Variants in PPT1 observed in about 807,000 individuals in gnomAD.
The protein encoded by PPT1 is palmitoyl-protein thioesterase 1, also known as ceroid-palmitoyl-palmitoyl-protein thioesterase 1.
A neutral mutation model predicts 44.0 loss-of-function variants in PPT1; 24 were observed. The ratio of observed to expected loss-of-function variants is 0.54; its 90% CI spans 0.39 to 0.77. The LOEUF is 0.77. Among genes scored for constraint, PPT1 ranks in the 30% least tolerant of loss-of-function variants. PPT1 has a pLI of 0.00. For synonymous variants in PPT1, 148 were observed against 140.2 expected (o/e 1.06, Z -0.39); for missense variants, 341 against 378.8 (o/e 0.90, Z 0.83).
At chr1:40,090,425 T>C (rs952033613) in intron 4 of PPT1, among the ~76,000 whole-genome samples, 5 of 112,670 alleles carry the variant, frequency 4.4e-5, no homozygotes, top group Non-Finnish European at 8.2e-5. Context: ...TATGTGTGTA[T>C]ATAGGTGCAT....
chr1:40,092,060 T>C lies in PPT1; in HGVS notation c.347A>G (p.Gln116Arg), dbSNP rs745638373. 1 of 1,614,098 alleles carries C rather than the reference T, an allele frequency of 6.2e-7. No homozygotes were observed. The highest frequency in any genetic ancestry group is 1.1e-5 in the South Asian group (1 of 91,086). ...QQGYNAMGFS[Q>R]GGQFLRAVAQ... ...AGGAACGTACAGAAATTGGCCTCCCTGGGAGAATCCCATAGCATTGTAGCC... is the reference window on the plus strand; with the variant it reads ...AGGAACGTACAGAAATTGGCCTCCCCGGGAGAATCCCATAGCATTGTAGCC... Residue 116 changes from glutamine (Q) to arginine (R), a missense_variant, in exon 3 of 9, where the codon CAG (glutamine) becomes CGG (arginine). By Grantham distance (43) the Gln-to-Arg change is conservative (BLOSUM62 1). Coordinates refer to ENST00000642050, the MANE Select transcript of PPT1 (RefSeq NM_000310.4).
At chr1:40,097,248 GTCACA>G in exon 1 of PPT1, 2 of 1,613,542 alleles carry the variant, frequency 1.2e-6, no homozygotes, top group Non-Finnish European at 1.7e-6. Flanking sequence ...TCTTCGCTGT[GTCACA>G]TGACCGCGGG....
At chr1:40,083,824 T>C (rs1649112870) in intron 5 of PPT1, among the ~76,000 whole-genome samples, 1 of 151,750 alleles carries the variant, frequency 6.6e-6, no homozygotes, top group Non-Finnish European at 1.5e-5. Flanking sequence ...GGAGGGAAAA[T>C]CAGTGGAGCC....
At position 40,097,134 on chromosome 1, in the gene PPT1, C is replaced by T. The variant is rs1376368972; in HGVS notation, c.105G>A (p.Leu35=). ...ACTCACCCATCCCATGCCAGATCAC[C>T]AACGGCAGCGGCGCCGGCGGGTCCA... ...QHLDPPAPLP[L]VIWHGMGDSC... The change falls in exon 1 of 9, where the codon TTG becomes TTA. Residue 35 remains leucine, a synonymous_variant. Transcript: ENST00000642050. The T allele has an allele frequency of 6.2e-7, 1 of 1,614,022 alleles. No individual in the cohort carries two copies. The highest frequency in any genetic ancestry group is 1.3e-5 in the African/African-American group (1 of 74,944).
At chr1:40,084,179 A>T (rs1649131828) in intron 5 of PPT1, among the ~76,000 whole-genome samples, 1 of 152,230 alleles carries the variant, frequency 6.6e-6, no homozygotes, top group Non-Finnish European at 1.5e-5. Flanking sequence ...CAATGAAGGA[A>T]GTAACTGCAG....
chr1:40,084,282 C>T (rs893219567), intron 5 of PPT1, among the ~76,000 whole-genome samples: 3 of 152,184 alleles, frequency 2.0e-5, no homozygotes, highest in African/African-American at 7.2e-5. Flanking sequence ...GGAATTGCTT[C>T]TTACGGATGA....
chr1:40,077,381 A>G (rs1648684046), intron 7 of PPT1, among the ~76,000 whole-genome samples: 1 of 152,254 alleles, frequency 6.6e-6, no homozygotes, highest in Non-Finnish European at 1.5e-5. Context: ...ATGCAGCCAC[A>G]GACAGTATGT....
At position 40,073,251 on chromosome 1, in the gene PPT1, TGACTCTAGCATCAA is replaced by T. The variant is rs1447331672; in HGVS notation, c.*796_*809del. 2 of 152,244 alleles carry T rather than the reference TGACTCTAGCATCAA, an allele frequency of 1.3e-5. No homozygotes were observed. The highest frequency in any genetic ancestry group is 2.9e-5 in the Non-Finnish European group (2 of 68,068). 9.4% of individuals were successfully genotyped at this position (152,244 alleles called of 1,614,324 possible). A position where few individuals can be genotyped will look rare whatever the true frequency, so the allele number is the denominator to read the frequency against. The stretch of plus-strand genomic sequence containing the variant: ...TGCTAAAGCCAGCAACAGAGTAAGT[TGACTCTAGCATCAA>T]GACCACTAGTCATATTAAGAAAGGG... On this transcript the variant is annotated 3_prime_UTR_variant, in exon 9 of 9. Transcript: ENST00000642050.
Position 40,078,459 on chromosome 1 carries a change from C to A in PPT1, c.726+101G>T, listed in dbSNP as rs1648743682. The A allele has an allele frequency of 5.7e-6, 7 of 1,232,898 alleles. No individual in the cohort carries two copies. In the East Asian group the frequency reaches 1.8e-4, roughly 31 times the overall value. 76.4% of individuals were successfully genotyped at this position (1,232,898 alleles called of 1,614,324 possible). A position where few individuals can be genotyped will look rare whatever the true frequency, so the allele number is the denominator to read the frequency against. The stretch of plus-strand genomic sequence containing the variant: ...TCAGGTGATCCACCCGCCTTGGCCT[C>A]CCAGAGTGCTGGGATTACAGGCATG... On this transcript the variant is annotated intron_variant, in intron 7 of 8. Transcript: ENST00000642050.
intron 5 of PPT1, among the ~76,000 whole-genome samples, chr1:40,085,403 C>T (rs1450537135): frequency 2.0e-5 from 3 of 152,106 alleles, no homozygotes; most frequent in Non-Finnish European, 2.9e-5. Context: ...CAATAAATAT[C>T]AGCGCAGCCT....
At chr1:40,089,293 A>AAAAAAAAAAAAAAAAAAAAAT (rs1225119231) in intron 5 of PPT1, 117 bp downstream of exon 5, 1 of 596,216 alleles carries the variant, frequency 1.7e-6, no homozygotes, top group African/African-American at 1.9e-5. Flanking sequence ...TCTCAAAAAA[A>AAAAAAAAAAAAAAAAAAAAAT]AAGATCTCAT....
Position 40,073,736 on chromosome 1 carries a change from T to A in PPT1, c.*325A>T. The A allele has an allele frequency of 3.0e-6, 1 of 328,768 alleles. No homozygotes were observed. Among genetic ancestry groups the A allele is most frequent in the South Asian group, 3.0e-5 (1 of 32,908 alleles). 20.4% of individuals were successfully genotyped at this position (328,768 alleles called of 1,614,324 possible). On this transcript the variant is annotated 3_prime_UTR_variant, in exon 9 of 9. Transcript: ENST00000642050. ...TGCCCTTAGAATCTATCTCACTACTTTAGTTAGTTGTCTCCTTTGGGCCTG... is the reference window on the plus strand; with the variant it reads ...TGCCCTTAGAATCTATCTCACTACTATAGTTAGTTGTCTCCTTTGGGCCTG...
chr1:40,075,477 CTTTTT>C (rs5773686), intron 8 of PPT1, among the ~76,000 whole-genome samples: 3 of 144,744 alleles, frequency 2.1e-5, no homozygotes, highest in South Asian at 2.2e-4. Flanking sequence ...TTTCTCAAGC[CTTTTT>C]TTTTTTTTTT....
Position 40,091,413 on chromosome 1 carries a change from G to A in PPT1, c.363-14C>T. 6.2e-7 allele frequency: 1 copy of A among 1,605,278 alleles called. No individual in the cohort carries two copies. Among genetic ancestry groups the A allele is most frequent in the Non-Finnish European group, 8.5e-7 (1 of 1,172,576 alleles). On this transcript the variant is annotated splice_polypyrimidine_tract_variant and intron_variant, in intron 3 of 8. Coordinates refer to ENST00000642050, the MANE Select transcript of PPT1 (RefSeq NM_000310.4). ...GCCACTGCCCTCCTACGGAATAAAA[G>A]GGAGTTTTAGCTCCGACTGTCAGAT...
chr1:40,081,397 AC>A (rs1034618078), intron 5 of PPT1, among the ~76,000 whole-genome samples: 6 of 151,878 alleles, frequency 4.0e-5, no homozygotes, highest in African/African-American at 1.5e-4. Context: ...TTAGCCAGGC[AC>A]GGTGGCATGT....
intron 8 of PPT1, 24 bp from the exon 9 acceptor site, chr1:40,074,207 A>G (rs755356402): frequency 1.2e-6 from 2 of 1,613,668 alleles, no homozygotes; most frequent in South Asian, 2.2e-5. Flanking sequence ...GGCCATAATT[A>G]ATTAAAAAGC....
At chr1:40,075,929 C>T (rs1648597674) in intron 8 of PPT1, among the ~76,000 whole-genome samples, 1 of 129,738 alleles carries the variant, frequency 7.7e-6, no homozygotes, top group Admixed American at 8.8e-5. Flanking sequence ...CCATTGCACT[C>T]CAGCCTGGGT....
rs377441836 is a variant in PPT1 at position 40,076,470 on chromosome 1, A to C, written c.798+372T>G. The C allele has an allele frequency of 1.2e-3, 556 of 478,234 alleles. 3 individuals are homozygous for C. The highest frequency in any genetic ancestry group is 0.011 in the African/African-American group (535 of 47,212). The allele number at this position is 478,234 out of a possible 1,614,324, so 29.6% of individuals were successfully genotyped here. A position where few individuals can be genotyped will look rare whatever the true frequency, so the allele number is the denominator to read the frequency against. ...ACAGAGCGAGACCCCGTCTCAAAGA[A>C]AAAAAAAGGAATGCCCCTCATCATG... On this transcript the variant is annotated intron_variant, in intron 8 of 8. Coordinates refer to ENST00000642050, the MANE Select transcript of PPT1 (RefSeq NM_000310.4).
intron 3 of PPT1, among the ~76,000 whole-genome samples, chr1:40,091,769 G>A (rs984266122): frequency 6.6e-6 from 1 of 151,734 alleles, no homozygotes; most frequent in African/African-American, 2.4e-5. Flanking sequence ...GGAGGCTGAG[G>A]CAGGAGAATC....
Sources: gnomAD v4.1 joint callset for allele counts (sites outside exome capture counted in the v4.1 genomes callset) on GRCh38, gnomAD v4.1.1 for gene constraint, MANE v1.5 for transcripts, NCBI Gene and HGNC (gene_info 2026-07-23, HGNC 2026-07-21) for gene names.